The following NDUFS4 variants were observed in gnomAD, a reference collection of about 807,000 sequenced individuals.
NDUFS4 encodes the protein NADH dehydrogenase [ubiquinone] iron-sulfur protein 4, mitochondrial.
Under a neutral mutation model 24.3 loss-of-function variants are expected in NDUFS4, and 28 were observed. The observed-to-expected ratio is 1.15, with a 90% CI of 0.85 to 1.58. The LOEUF (loss-of-function observed/expected upper bound fraction) is 1.58. Among genes scored for constraint, NDUFS4 ranks in the 40% most tolerant of loss-of-function variants. NDUFS4 has a pLI of 0.00. For synonymous variants in NDUFS4, 93 were observed against 69.7 expected (o/e 1.34, Z -1.67); for missense variants, 223 against 207.9 (o/e 1.07, Z -0.45).
chr5:53,561,265 G>A (rs1748835844), intron 1 of NDUFS4, among the ~76,000 whole-genome samples: 1 of 152,120 alleles, frequency 6.6e-6, no homozygotes, highest in African/African-American at 2.4e-5. Flanking sequence ...AACTTGTTTG[G>A]AATTCAGTGT....
chr5:53,571,763 T>G (rs1749217627), intron 1 of NDUFS4, among the ~76,000 whole-genome samples: 1 of 152,246 alleles, frequency 6.6e-6, no homozygotes, highest in Non-Finnish European at 1.5e-5. Context: ...TTTTGACTTG[T>G]ACTTCTATGA....
chr5:53,566,065 CG>C (rs1414616201), intron 1 of NDUFS4, among the ~76,000 whole-genome samples: 2 of 151,978 alleles, frequency 1.3e-5, no homozygotes, highest in African/African-American at 2.4e-5. Flanking sequence ...CCCAGCTACT[CG>C]GGAGGCCGAG....
intron 1 of NDUFS4, among the ~76,000 whole-genome samples, chr5:53,584,765 T>C (rs186833434): frequency 9.3e-6 from 1 of 107,568 alleles, no homozygotes; most frequent in East Asian, 2.2e-4. Context: ...ACTAAAAATG[T>C]TTTCTGTTTT....
intron 2 of NDUFS4, among the ~76,000 whole-genome samples, chr5:53,627,230 A>G (rs1395011408): frequency 1.3e-5 from 2 of 151,992 alleles, no homozygotes; most frequent in South Asian, 2.1e-4. Flanking sequence ...GTTCTGTTCC[A>G]TTGGTCTATA....
intron 4 of NDUFS4, among the ~76,000 whole-genome samples, chr5:53,670,552 A>G (rs1181812846): frequency 1.3e-5 from 2 of 151,752 alleles, no homozygotes; most frequent in Non-Finnish European, 2.9e-5. Flanking sequence ...TGGCTACTAG[A>G]AACTTATGTA....
At chr5:53,640,315 GA>G (rs1751675707) in intron 2 of NDUFS4, among the ~76,000 whole-genome samples, 1 of 152,094 alleles carries the variant, frequency 6.6e-6, no homozygotes, top group Admixed American at 6.6e-5. Context: ...GAAAATGGAA[GA>G]AAAAGGTCCA....
At chr5:53,612,702 G>A (rs1009858758) in intron 2 of NDUFS4, among the ~76,000 whole-genome samples, 1 of 151,950 alleles carries the variant, frequency 6.6e-6, no homozygotes, top group Non-Finnish European at 1.5e-5. Flanking sequence ...TAAATAAATC[G>A]CTGTTTGATT....
chr5:53,579,950 G>T (rs1749502627), intron 1 of NDUFS4, among the ~76,000 whole-genome samples: 1 of 152,142 alleles, frequency 6.6e-6, no homozygotes, highest in Non-Finnish European at 1.5e-5. Context: ...TTGTCCCCTG[G>T]AGCCTCCAGA....
At chr5:53,680,133 T>C (rs1740611568) in intron 4 of NDUFS4, among the ~76,000 whole-genome samples, 1 of 151,564 alleles carries the variant, frequency 6.6e-6, no homozygotes, top group Non-Finnish European at 1.5e-5. Context: ...TTGCAACTTA[T>C]TAGCCCTGTG....
intron 4 of NDUFS4, among the ~76,000 whole-genome samples, chr5:53,681,640 G>A (rs1429840219): frequency 1.3e-5 from 2 of 152,002 alleles, no homozygotes; most frequent in Non-Finnish European, 2.9e-5. Flanking sequence ...TGAAAGTAAG[G>A]TTATGTTGAA....
At chr5:53,674,647 A>G (rs1561401818) in intron 4 of NDUFS4, among the ~76,000 whole-genome samples, 1 of 152,240 alleles carries the variant, frequency 6.6e-6, no homozygotes, top group Non-Finnish European at 1.5e-5. Flanking sequence ...CTGGATATCT[A>G]ATAAATATCT....
intron 2 of NDUFS4, among the ~76,000 whole-genome samples, chr5:53,631,569 C>G (rs1039044312): frequency 6.6e-6 from 1 of 152,152 alleles, no homozygotes. Context: ...GCCTTTTGTT[C>G]GGTGATGCCC....
chr5:53,646,354 A>G lies in NDUFS4; in HGVS notation c.299A>G (p.Glu100Gly), dbSNP rs925725698. Residue 100 changes from glutamate to glycine, a missense_variant, in exon 3 of 5, where the codon GAG becomes GGG. Glu to Gly is a moderately conservative substitution (Grantham distance 98). Transcript: ENST00000296684. Reference protein sequence around the residue: ...GVNNTKKWKMEFDTRERWENP... With the variant: ...GVNNTKKWKMGFDTRERWENP... The stretch of plus-strand genomic sequence containing the variant: ...AACAACACAAAGAAATGGAAGATGG[A>G]GTTTGATACCAGAGAGCGATGGGAA... The G allele has an allele frequency of 3.1e-6, 5 of 1,613,786 alleles. No homozygotes were observed. Among genetic ancestry groups the G allele is most frequent in the Non-Finnish European group, 4.2e-6 (5 of 1,179,860 alleles).
rs187273866 is a variant in NDUFS4 at position 53,565,543 on chromosome 5, G to A, written c.98+4783G>A. Among the ~76,000 whole-genome samples, 826 of 152,282 alleles carry A rather than the reference G, an allele frequency of 5.4e-3. 5 individuals are homozygous for A. Among genetic ancestry groups the A allele is most frequent in the Non-Finnish European group, 9.0e-3 (615 of 68,008 alleles). On this transcript the variant is annotated intron_variant, in intron 1 of 4. Coordinates refer to ENST00000296684, the MANE Select transcript of NDUFS4 (RefSeq NM_002495.4). Reference sequence around the variant, plus strand: ...ATATTTAGAGATGAGCGATTGTGAGGAAAAGCAGGGAGCATTACGCAGTGT... The same window carrying A: ...ATATTTAGAGATGAGCGATTGTGAGAAAAAGCAGGGAGCATTACGCAGTGT...
At chr5:53,561,951 C>T (rs72750140) in intron 1 of NDUFS4, among the ~76,000 whole-genome samples, 14,130 of 151,586 alleles carry the variant, frequency 0.093, 782 homozygotes, top group Middle Eastern at 0.13. Context: ...TGGGGAAAGG[C>T]AAATGATGTT....
intron 1 of NDUFS4, among the ~76,000 whole-genome samples, chr5:53,564,371 G>A (rs1438499760): frequency 3.9e-5 from 6 of 152,138 alleles, no homozygotes; most frequent in Non-Finnish European, 5.9e-5. Context: ...TCTCCTAGGG[G>A]CAGCTATTTT....
At chr5:53,607,065 A>ATAC (rs1750540518) in intron 2 of NDUFS4, among the ~76,000 whole-genome samples, 1 of 152,050 alleles carries the variant, frequency 6.6e-6, no homozygotes, top group Non-Finnish European at 1.5e-5. Context: ...TTTAATCCAC[A>ATAC]ATACAGAAGG....
In NDUFS4 at chr5:53,664,628, A is replaced by G. The variant is rs537134291; in HGVS notation, c.424+6004A>G. Among the ~76,000 whole-genome samples, 7 of 152,258 alleles carry G rather than the reference A, an allele frequency of 4.6e-5. 1 individual carries two copies. In the South Asian group the frequency reaches 1.5e-3, roughly 32 times the overall value. ...TTTCTTCCAGTTGATCAAATCGGCT[A>G]CTGAGGCTTGTGTATTTGTCACGTA... On this transcript the variant is annotated intron_variant, in intron 4 of 4. Transcript: ENST00000296684.
At chr5:53,582,391 C>T (rs976881094) in intron 1 of NDUFS4, among the ~76,000 whole-genome samples, 1 of 152,032 alleles carries the variant, frequency 6.6e-6, no homozygotes, top group Non-Finnish European at 1.5e-5. Context: ...AGGAACCAGC[C>T]CTGGACAGGA....
Sources: allele counts gnomAD v4.1 joint callset (sites outside exome capture counted in the v4.1 genomes callset), GRCh38; gene constraint gnomAD v4.1.1; transcripts MANE v1.5; gene names NCBI Gene and HGNC (gene_info 2026-07-23, HGNC 2026-07-21).